The following CD226 variants were observed in gnomAD, a reference collection of about 807,000 sequenced individuals.
CD226 encodes the protein CD226 molecule.
CD226 carries 24 observed loss-of-function variants against 34.9 expected under a neutral mutation model. The observed-to-expected ratio is 0.69, with a 90% CI of 0.50 to 0.97. CD226 has a LOEUF of 0.97. Ranked by LOEUF, CD226 falls within the 50% of genes least tolerant of loss-of-function variation. The pLI is 0.00. For synonymous variants in CD226, 148 were observed against 147.4 expected, an observed-to-expected ratio of 1.00 and a Z score of -0.03; for missense variants, 397 against 412.7, an observed-to-expected ratio of 0.96 and a Z score of 0.33.
intron 3 of CD226, among the ~76,000 whole-genome samples, chr18:69,883,077 T>C (rs1984358144): frequency 6.6e-6 from 1 of 152,164 alleles, no homozygotes; most frequent in African/African-American, 2.4e-5. Context: ...CATGTCTTGA[T>C]TGAAATCAGG....
At chr18:69,883,596 A>C (rs1443456324) in intron 3 of CD226, among the ~76,000 whole-genome samples, 1 of 152,234 alleles carries the variant, frequency 6.6e-6, no homozygotes, top group Non-Finnish European at 1.5e-5. Context: ...CTTTCCATCT[A>C]AAAATGATAA....
At chr18:69,866,281 C>T (rs547269497) in intron 5 of CD226, among the ~76,000 whole-genome samples, 1 of 152,142 alleles carries the variant, frequency 6.6e-6, no homozygotes, top group Admixed American at 6.5e-5. Flanking sequence ...TCCATAGCAA[C>T]TTTTTTTGTG....
chr18:69,869,609 T>C (rs1442347760), intron 4 of CD226, among the ~76,000 whole-genome samples: 2 of 152,094 alleles, frequency 1.3e-5, no homozygotes, highest in Middle Eastern at 3.2e-3. Flanking sequence ...CCATGACACA[T>C]GTTTGCCTAT....
chr18:69,914,390 T>G (rs2055361471), intron 2 of CD226, among the ~76,000 whole-genome samples: 1 of 152,236 alleles, frequency 6.6e-6, no homozygotes, highest in Non-Finnish European at 1.5e-5. Context: ...TATCAATTAT[T>G]CCATTGAGTT....
chr18:69,903,895 C>T (rs531439796), intron 2 of CD226, among the ~76,000 whole-genome samples: 1 of 152,230 alleles, frequency 6.6e-6, no homozygotes, highest in East Asian at 1.9e-4. Context: ...CTCTAGGACA[C>T]TAATAGGGAG....
intron 2 of CD226, among the ~76,000 whole-genome samples, chr18:69,932,852 A>G (rs1242884237): frequency 6.6e-6 from 1 of 152,160 alleles, no homozygotes; most frequent in Admixed American, 6.5e-5. Context: ...CACACAAACA[A>G]TGTAAGCATC....
Position 69,946,799 on chromosome 18 carries a change from T to C in CD226, c.317A>G (p.Tyr106Cys). 6.2e-7 allele frequency: 1 copy of C among 1,614,014 alleles called. No individual in the cohort carries two copies. The highest frequency in any genetic ancestry group is 8.5e-7 in the Non-Finnish European group (1 of 1,180,000). The stretch of plus-strand genomic sequence containing the variant: ...TGGGTAAGTGTAAAGAGAGCAGGAA[T>C]AGTAGCCAACATCATCTTCAGAGGC... ...RNASEDDVGYYSCSLYTYPQG... is the reference protein window; with the variant it reads ...RNASEDDVGYCSCSLYTYPQG... The change falls in exon 2 of 6, where the codon TAT (tyrosine) becomes TGT (cysteine). Residue 106 changes from tyrosine to cysteine, a missense_variant. Coordinates refer to ENST00000582621, the MANE Select transcript of CD226 (RefSeq NM_001303618.2).
At chr18:69,925,750 C>T (rs1019144927) in intron 2 of CD226, among the ~76,000 whole-genome samples, 1 of 152,150 alleles carries the variant, frequency 6.6e-6, no homozygotes, top group Admixed American at 6.5e-5. Flanking sequence ...CGACAGTCCA[C>T]GATACCATCA....
intron 2 of CD226, among the ~76,000 whole-genome samples, chr18:69,930,223 T>C (rs1354738069): frequency 1.3e-5 from 2 of 152,126 alleles, no homozygotes; most frequent in Admixed American, 6.5e-5. Flanking sequence ...TGTTGCAATA[T>C]GGTTTGAGAT....
chr18:69,872,886 G>A (rs1051682519), intron 4 of CD226, among the ~76,000 whole-genome samples: 5 of 152,134 alleles, frequency 3.3e-5, no homozygotes, highest in African/African-American at 1.2e-4. Context: ...TTCCTTGGAG[G>A]AGGAAGACAG....
At chr18:69,902,740 G>A (rs1420460779) in intron 2 of CD226, among the ~76,000 whole-genome samples, 3 of 151,924 alleles carry the variant, frequency 2.0e-5, no homozygotes, top group South Asian at 2.1e-4. Flanking sequence ...AGCACGAGAC[G>A]ATAACTTGTT....
chr18:69,923,789 C>G (rs555888390), intron 2 of CD226, among the ~76,000 whole-genome samples: 1 of 152,022 alleles, frequency 6.6e-6, no homozygotes, highest in African/African-American at 2.4e-5. Context: ...CCCGTCTCTA[C>G]TAAAAATACA....
chr18:69,869,704 A>G (rs1053236173), intron 4 of CD226, among the ~76,000 whole-genome samples: 1 of 151,956 alleles, frequency 6.6e-6, no homozygotes, highest in South Asian at 2.1e-4. Flanking sequence ...AAAAATAAAG[A>G]GAGTAAACAT....
intron 2 of CD226, among the ~76,000 whole-genome samples, chr18:69,945,579 C>A (rs1462490714): frequency 4.6e-5 from 7 of 152,080 alleles, no homozygotes; most frequent in Admixed American, 4.6e-4. Flanking sequence ...CAGGGCCAAG[C>A]TTGGTGGTTC....
chr18:69,934,621 C>T (rs995402698), intron 2 of CD226, among the ~76,000 whole-genome samples: 2 of 152,146 alleles, frequency 1.3e-5, no homozygotes, highest in East Asian at 3.8e-4. Context: ...CTTCTTATAT[C>T]AGTATTCTAT....
intron 2 of CD226, among the ~76,000 whole-genome samples, chr18:69,914,306 T>C (rs1032085393): frequency 2.0e-5 from 3 of 152,190 alleles, no homozygotes; most frequent in African/African-American, 4.8e-5. Flanking sequence ...CATTGGCAAT[T>C]TGAGGAAGAC....
At chr18:69,893,381 G>T (rs938426083) in intron 3 of CD226, among the ~76,000 whole-genome samples, 1 of 152,138 alleles carries the variant, frequency 6.6e-6, no homozygotes, top group Non-Finnish European at 1.5e-5. Context: ...ACAGATGAAT[G>T]ACATTTTTAT....
chr18:69,873,163 T>C lies in CD226; in HGVS notation c.811A>G (p.Ile271Val), dbSNP rs1983642687. The C allele has an allele frequency of 1.3e-6, 2 of 1,595,926 alleles. No homozygotes were observed. Among genetic ancestry groups the C allele is most frequent in the Non-Finnish European group, 1.7e-6 (2 of 1,163,612 alleles). ...LLFVISITTI[I>V]VIFLNRRRRR... ...ACTCACCTGTTAAGGAAAATGACAA[T>C]GATGGTGGTAATTGAGATAACAAAC... The change falls in exon 4 of 6, where the codon ATT becomes GTT. Residue 271 changes from isoleucine (I) to valine (V), a missense_variant. Coordinates refer to ENST00000582621, the MANE Select transcript of CD226 (RefSeq NM_001303618.2).
At position 69,858,449 on chromosome 18, in the gene CD226, CAGAT is replaced by C. The variant is rs1331227066; in HGVS notation, c.*5861_*5864del. 1 of 152,132 alleles carries C rather than the reference CAGAT, an allele frequency of 6.6e-6. No individual in the cohort carries two copies. Among genetic ancestry groups the C allele is most frequent in the Non-Finnish European group, 1.5e-5 (1 of 68,074 alleles). 9.4% of individuals were successfully genotyped at this position (152,132 alleles called of 1,614,324 possible). ...GGGGGAGATACAAGCTGCTGCCTTC[CAGAT>C]ATATTTAAGAGACACTGATTTTGGA... On this transcript the variant is annotated 3_prime_UTR_variant, in exon 6 of 6. Coordinates refer to ENST00000582621, the MANE Select transcript of CD226 (RefSeq NM_001303618.2).
Sources: allele counts gnomAD v4.1 joint callset (sites outside exome capture counted in the v4.1 genomes callset), GRCh38; gene constraint gnomAD v4.1.1; transcripts MANE v1.5; gene names NCBI Gene and HGNC (gene_info 2026-07-23, HGNC 2026-07-21).